Variants in ANO4 observed in about 807,000 individuals in gnomAD.
The protein encoded by ANO4 is anoctamin-4.
ANO4 carries 69 observed loss-of-function variants against 141.9 expected under a neutral mutation model. The ratio of observed to expected loss-of-function variants is 0.49; its 90% CI spans 0.40 to 0.59. ANO4 has a LOEUF of 0.59. ANO4 is among the 20% of genes least tolerant of loss of function. The pLI, the probability that ANO4 is intolerant of heterozygous loss-of-function variation, is 0.00. For synonymous variants in ANO4, 350 were observed against 394.3 expected, an observed-to-expected ratio of 0.89 and a Z score of 1.33; for missense variants, 894 against 1,162.2, an observed-to-expected ratio of 0.77 and a Z score of 3.36.
At chr12:101,112,597 A>G (rs1363474977) in intron 24 of ANO4, among the ~76,000 whole-genome samples, 1 of 152,146 alleles carries the variant, frequency 6.6e-6, no homozygotes, top group Non-Finnish European at 1.5e-5. Flanking sequence ...TACTTATACA[A>G]GCAGCCCTGG....
chr12:101,003,875 A>C (rs1406496986), intron 8 of ANO4, among the ~76,000 whole-genome samples: 1 of 152,136 alleles, frequency 6.6e-6, no homozygotes, highest in Non-Finnish European at 1.5e-5. Context: ...GTTAACAAAG[A>C]CCTGGGCAGA....
intron 5 of ANO4, among the ~76,000 whole-genome samples, chr12:100,966,180 G>A (rs1029574925): frequency 1.3e-5 from 2 of 152,172 alleles, no homozygotes; most frequent in African/African-American, 4.8e-5. Context: ...TGAGTGAGTA[G>A]GAATGCTGTG....
chr12:100,739,906 A>G (rs764467443), exon 3 of ANO4: 2 of 702,626 alleles, frequency 2.8e-6, no homozygotes, highest in South Asian at 1.5e-5. Context: ...GGAAAAATCC[A>G]TACGTACAAG....
intron 7 of ANO4, among the ~76,000 whole-genome samples, chr12:100,978,405 A>G (rs757214985): frequency 1.3e-5 from 2 of 152,232 alleles, no homozygotes; most frequent in Admixed American, 6.5e-5. Flanking sequence ...AAAAGGAACT[A>G]TAGAATCTCA....
At chr12:100,803,526 C>T (rs2034818526) in intron 1 of ANO4, among the ~76,000 whole-genome samples, 1 of 152,166 alleles carries the variant, frequency 6.6e-6, no homozygotes, top group Admixed American at 6.5e-5. Context: ...TTTAATTCAG[C>T]ATCAATGTTC....
rs567385871 is a variant in ANO4 at position 101,024,116 on chromosome 12, A to T, written c.841+3976A>T. Reference sequence around the variant, plus strand: ...AAACCTGGTGAAACCCACTTTCAAAATAGAGCCATTTAATAGCTCAACAAA... The same window carrying T: ...AAACCTGGTGAAACCCACTTTCAAATTAGAGCCATTTAATAGCTCAACAAA... On this transcript the variant is annotated intron_variant, in intron 9 of 27. Coordinates refer to ENST00000392977, the MANE Select transcript of ANO4 (RefSeq NM_001286615.2). 5.9e-5 allele frequency among the ~76,000 whole-genome samples: 9 copies of T among 152,382 alleles called. No individual in the cohort carries two copies. In the East Asian group the frequency reaches 1.7e-3, roughly 29 times the overall value.
Position 100,924,424 on chromosome 12 carries a change from C to T in ANO4, c.160+2094C>T, listed in dbSNP as rs538392600. Among the ~76,000 whole-genome samples, 253 of 152,112 alleles carry T rather than the reference C, an allele frequency of 1.7e-3. 1 individual carries two copies. The highest frequency in any genetic ancestry group is 5.7e-3 in the African/African-American group (237 of 41,506). On this transcript the variant is annotated intron_variant, in intron 3 of 27. Transcript: ENST00000392977. ...CAGACTGCAATGATGGCTGTTTGTT[C>T]CTTCATTTAATTCCTTCATGAATGT...
intron 3 of ANO4, among the ~76,000 whole-genome samples, chr12:100,785,511 A>T (rs2033845759): frequency 6.6e-6 from 1 of 152,150 alleles, no homozygotes; most frequent in African/African-American, 2.4e-5. Context: ...TAGCCTTCTC[A>T]GATTGGCTTC....
rs200672578 is a variant in ANO4, at chr12:100,730,305, C to T, written c.23-3469C>T. Among the ~76,000 whole-genome samples, 763 of 148,728 alleles carry T rather than the reference C, an allele frequency of 5.1e-3. 23 individuals carry two copies. The East Asian group carries it at 0.078, about 15-fold the overall frequency. On this transcript the variant is annotated intron_variant, in intron 1 of 29. Transcript: ENST00000644049. ...TGATTTATTTTTTTAAACCGTACCT[C>T]CTCCCCTGCCCCCCAAGAGTGAGAT...
chr12:101,061,464 C>T (rs1248162748), intron 14 of ANO4, among the ~76,000 whole-genome samples: 2 of 152,052 alleles, frequency 1.3e-5, no homozygotes, highest in Non-Finnish European at 2.9e-5. Flanking sequence ...TGGATAATAT[C>T]CTGAAGAGTG....
intron 5 of ANO4, among the ~76,000 whole-genome samples, chr12:100,969,916 C>T (rs2043844014): frequency 6.6e-6 from 1 of 152,230 alleles, no homozygotes. Context: ...CAACTGATCC[C>T]TCCTTGTGGA....
intron 3 of ANO4, among the ~76,000 whole-genome samples, chr12:100,936,868 G>C (rs1305072279): frequency 2.0e-5 from 3 of 152,162 alleles, no homozygotes. Context: ...AGAGAAGTTT[G>C]CTATTCCTGT....
intron 8 of ANO4, among the ~76,000 whole-genome samples, chr12:101,016,820 C>T (rs1477215925): frequency 6.6e-6 from 1 of 152,194 alleles, no homozygotes; most frequent in East Asian, 1.9e-4. Flanking sequence ...CGTGTCATCT[C>T]ACTTAATTGT....
At chr12:100,881,545 G>A (rs1029960330) in intron 1 of ANO4, among the ~76,000 whole-genome samples, 18 of 151,984 alleles carry the variant, frequency 1.2e-4, no homozygotes, top group African/African-American at 3.6e-4. Flanking sequence ...TTAAGCCTTA[G>A]CCATGGATTG....
At chr12:101,026,135 A>G (rs921404108) in intron 9 of ANO4, among the ~76,000 whole-genome samples, 3 of 152,186 alleles carry the variant, frequency 2.0e-5, no homozygotes, top group African/African-American at 4.8e-5. Context: ...GAAACTCACA[A>G]TGGAATCCAT....
upstream of ANO4, among the ~76,000 whole-genome samples, chr12:100,792,512 T>G (rs566852050): frequency 1.3e-5 from 2 of 152,250 alleles, no homozygotes; most frequent in African/African-American, 4.8e-5. Context: ...AAACAATCTG[T>G]ACATTACAAA....
chr12:100,959,927 A>G (rs918565759), intron 5 of ANO4, among the ~76,000 whole-genome samples: 1 of 152,186 alleles, frequency 6.6e-6, no homozygotes, highest in South Asian at 2.1e-4. Context: ...GGCTTTAGGC[A>G]GCAGGGTTTA....
intron 8 of ANO4, among the ~76,000 whole-genome samples, chr12:101,015,796 C>G (rs1211147190): frequency 1.3e-5 from 2 of 152,178 alleles, no homozygotes; most frequent in East Asian, 3.9e-4. Flanking sequence ...GAGACTGAGC[C>G]CCAAGCCTCA....
chr12:100,974,177 G>A (rs1295705355), intron 6 of ANO4, among the ~76,000 whole-genome samples: 1 of 152,000 alleles, frequency 6.6e-6, no homozygotes, highest in Non-Finnish European at 1.5e-5. Flanking sequence ...TAGATATATA[G>A]CAATCTGACA....
Sources: allele counts gnomAD v4.1 joint callset (sites outside exome capture counted in the v4.1 genomes callset), GRCh38; gene constraint gnomAD v4.1.1; transcripts MANE v1.5; gene names NCBI Gene and HGNC (gene_info 2026-07-23, HGNC 2026-07-21).